Variants in CCSER1 observed in about 807,000 individuals in gnomAD.
The protein encoded by CCSER1 is serine-rich coiled-coil domain-containing protein 1.
Under a neutral mutation model 82.0 loss-of-function variants are expected in CCSER1, and 41 were observed. That is an observed-to-expected ratio of 0.50 (90% CI 0.39 to 0.65). The LOEUF (loss-of-function observed/expected upper bound fraction) is 0.65. Ranked by LOEUF, CCSER1 falls within the 30% of genes least tolerant of loss-of-function variation. The pLI is 0.00. For synonymous variants in CCSER1, 414 were observed against 383.9 expected, an observed-to-expected ratio of 1.08 and a Z score of -0.92; for missense variants, 1,119 against 1,064.2, an observed-to-expected ratio of 1.05 and a Z score of -0.72.
intron 10 of CCSER1, among the ~76,000 whole-genome samples, chr4:91,140,146 T>G (rs1249319946): frequency 2.6e-5 from 4 of 152,060 alleles, no homozygotes; most frequent in Non-Finnish European, 5.9e-5. Flanking sequence ...ATTTTTAGAT[T>G]TAAACTTCAG....
At chr4:90,586,248 AC>A (rs373159006) in intron 5 of CCSER1, among the ~76,000 whole-genome samples, 31 of 151,452 alleles carry the variant, frequency 2.0e-4, no homozygotes, top group African/African-American at 4.1e-4. Flanking sequence ...ACTCCATTAT[AC>A]CCCCCCACCC....
In CCSER1 at chr4:91,193,822, A is replaced by ATT. The variant is rs11422541; in HGVS notation, c.2217+107837_2217+107838dup. On this transcript the variant is annotated intron_variant, in intron 10 of 10. Transcript: ENST00000509176. ...TCAAATCTTCCTGTTTGTTTTATTG[A>ATT]TTTTTTTTTTCAAATGCTATGGCCT... is the stretch of plus-strand genomic sequence containing the variant. Among the ~76,000 whole-genome samples, 351 of 149,708 alleles carry ATT rather than the reference A, an allele frequency of 2.3e-3. 1 individual carries two copies. The highest frequency in any genetic ancestry group is 5.0e-3 in the African/African-American group (205 of 40,896).
chr4:90,344,377 G>A (rs971075057), intron 3 of CCSER1, among the ~76,000 whole-genome samples: 5 of 152,040 alleles, frequency 3.3e-5, no homozygotes, highest in Non-Finnish European at 7.4e-5. Flanking sequence ...TGTTCTGCAC[G>A]TGTTCTTATT....
Position 91,484,055 on chromosome 4 carries a change from T to TAAA in CCSER1, c.2218-114502_2218-114500dup, listed in dbSNP as rs70965500. ...GTTGAGTCTTATTCTGCCTATTCTCTAAAAAAAAAAAAAAAAAGCAAAGCA... is the reference window on the plus strand; with the variant it reads ...GTTGAGTCTTATTCTGCCTATTCTCTAAAAAAAAAAAAAAAAAAAAGCAAAGCA... On this transcript the variant is annotated intron_variant, in intron 10 of 10. Coordinates refer to ENST00000509176, the MANE Select transcript of CCSER1 (RefSeq NM_001145065.2). Among the ~76,000 whole-genome samples the TAAA allele has an allele frequency of 2.4e-3, 315 of 130,942 alleles. 1 individual carries two copies. The highest frequency in any genetic ancestry group is 6.5e-3 in the African/African-American group (229 of 35,190). The allele number at this position is 130,942 out of a possible 152,430, so 85.9% of individuals were successfully genotyped here.
At chr4:91,598,179 T>G (rs1342548918) in intron 10 of CCSER1, among the ~76,000 whole-genome samples, 1 of 152,202 alleles carries the variant, frequency 6.6e-6, no homozygotes, top group Non-Finnish European at 1.5e-5. Context: ...TATAGCATAT[T>G]AAGCCAACAA....
intron 7 of CCSER1, among the ~76,000 whole-genome samples, chr4:90,810,733 G>T (rs1409379992): frequency 6.6e-6 from 1 of 152,054 alleles, no homozygotes; most frequent in African/African-American, 2.4e-5. Flanking sequence ...TTTAAGTATT[G>T]CATGAAATGA....
chr4:91,580,691 C>G (rs1313842118), intron 10 of CCSER1, among the ~76,000 whole-genome samples: 1 of 151,640 alleles, frequency 6.6e-6, no homozygotes, highest in African/African-American at 2.4e-5. Context: ...AGCTGATATT[C>G]TAGACCCTCA....
At chr4:90,256,612 CA>C in intron 1 of CCSER1, among the ~76,000 whole-genome samples, 1 of 152,186 alleles carries the variant, frequency 6.6e-6, no homozygotes, top group Non-Finnish European at 1.5e-5. Context: ...ATTAAAAATA[CA>C]TTAAGGTTGA....
At chr4:90,731,878 G>T (rs1744804323) in intron 7 of CCSER1, among the ~76,000 whole-genome samples, 1 of 152,008 alleles carries the variant, frequency 6.6e-6, no homozygotes, top group Admixed American at 6.6e-5. Context: ...GACTCATCTG[G>T]GCAGTTCTTG....
intron 5 of CCSER1, among the ~76,000 whole-genome samples, chr4:90,503,435 A>C (rs1442346120): frequency 2.0e-5 from 3 of 152,138 alleles, no homozygotes; most frequent in Non-Finnish European, 4.4e-5. Flanking sequence ...ATTATACTTT[A>C]AGTTTTAGGG....
intron 10 of CCSER1, among the ~76,000 whole-genome samples, chr4:91,239,315 C>T (rs999362860): frequency 4.2e-5 from 2 of 47,906 alleles, no homozygotes; most frequent in Admixed American, 2.6e-4. Flanking sequence ...AATTTAACTA[C>T]ATACTGCCTC....
intron 10 of CCSER1, among the ~76,000 whole-genome samples, chr4:91,568,395 C>G (rs1295384789): frequency 6.6e-6 from 1 of 151,182 alleles, no homozygotes; most frequent in African/African-American, 2.4e-5. Flanking sequence ...GTTGGCCTCT[C>G]TAACAAGGTT....
chr4:90,405,955 A>G (rs995531230), intron 4 of CCSER1, among the ~76,000 whole-genome samples: 1 of 148,318 alleles, frequency 6.7e-6, no homozygotes, highest in African/African-American at 2.5e-5. Context: ...AACAAAATGA[A>G]AAAAAAAAGT....
At chr4:91,450,266 AAC>A in intron 10 of CCSER1, among the ~76,000 whole-genome samples, 1 of 152,180 alleles carries the variant, frequency 6.6e-6, no homozygotes, top group East Asian at 1.9e-4. Context: ...ATTGTTTAGA[AAC>A]ACAGAGCAGA....
At chr4:90,491,728 T>G (rs1481273712) in intron 5 of CCSER1, among the ~76,000 whole-genome samples, 3 of 151,972 alleles carry the variant, frequency 2.0e-5, no homozygotes, top group Non-Finnish European at 4.4e-5. Context: ...TAGCATGAAG[T>G]GTTGTTGAAT....
At chr4:90,908,026 G>A (rs1007571618) in intron 8 of CCSER1, among the ~76,000 whole-genome samples, 14 of 152,080 alleles carry the variant, frequency 9.2e-5, no homozygotes, top group African/African-American at 2.4e-4. Flanking sequence ...TATCTAGAGT[G>A]TGCCTAAAAG....
At chr4:90,390,214 A>G (rs1245565527) in intron 3 of CCSER1, among the ~76,000 whole-genome samples, 1 of 152,230 alleles carries the variant, frequency 6.6e-6, no homozygotes, top group Non-Finnish European at 1.5e-5. Flanking sequence ...AGTGTTCTGT[A>G]GACACATACC....
intron 1 of CCSER1, among the ~76,000 whole-genome samples, chr4:90,159,247 G>A (rs1728965115): frequency 6.6e-6 from 1 of 151,916 alleles, no homozygotes. Flanking sequence ...GCCTCACTGT[G>A]TTACCCAGGC....
At chr4:90,275,365 A>G (rs1185084546) in intron 1 of CCSER1, among the ~76,000 whole-genome samples, 1 of 152,102 alleles carries the variant, frequency 6.6e-6, no homozygotes, top group Non-Finnish European at 1.5e-5. Context: ...AAGGATTCAT[A>G]GTAGAGGAGA....
Sources: gnomAD v4.1 joint callset for allele counts (sites outside exome capture counted in the v4.1 genomes callset) on GRCh38, gnomAD v4.1.1 for gene constraint, MANE v1.5 for transcripts, NCBI Gene and HGNC (gene_info 2026-07-23, HGNC 2026-07-21) for gene names.